The following CPNE2 variants were observed in gnomAD, a reference collection of about 807,000 sequenced individuals.
CPNE2 encodes the protein copine-2.
Under a neutral mutation model 69.7 loss-of-function variants are expected in CPNE2, and 42 were observed. The ratio of observed to expected loss-of-function variants is 0.60; its 90% CI spans 0.47 to 0.78. CPNE2 has a LOEUF of 0.78. CPNE2 is among the 30% of genes least tolerant of loss of function. The pLI is 0.00. For synonymous variants in CPNE2, 294 were observed against 289.8 expected (o/e 1.01, Z -0.15); for missense variants, 587 against 732.0 (o/e 0.80, Z 2.29).
chr16:57,142,923 C>T (rs977264796), intron 14 of CPNE2: 1 of 152,210 alleles, frequency 6.6e-6, no homozygotes, highest in South Asian at 2.1e-4. Flanking sequence ...CCTGAAGAAC[C>T]TCGGAGTAAA....
At chr16:57,140,397 CCT>C (rs568509459) in intron 14 of CPNE2, among the ~76,000 whole-genome samples, 89 of 151,906 alleles carry the variant, frequency 5.9e-4, no homozygotes, top group Non-Finnish European at 1.2e-3. Context: ...GTCTCAAACC[CCT>C]GTCCTCAGGT....
At chr16:57,121,630 A>G (rs1290097034) in intron 8 of CPNE2, 44 bp from the exon 9 acceptor site, 1 of 1,588,110 alleles carries the variant, frequency 6.3e-7, no homozygotes, top group Non-Finnish European at 8.6e-7. Flanking sequence ...ATCTGTTTCC[A>G]AAGAAGCCCC....
chr16:57,093,971 C>G (rs9926472), intron 1 of CPNE2: 85,438 of 449,460 alleles, frequency 0.19, 10,833 homozygotes, highest in African/African-American at 0.41. Flanking sequence ...CAGACCCTCC[C>G]CCCCTGTGGC....
At chr16:57,109,800 C>T (rs974087916) in intron 1 of CPNE2, among the ~76,000 whole-genome samples, 9 of 152,188 alleles carry the variant, frequency 5.9e-5, no homozygotes, top group Non-Finnish European at 1.3e-4. Context: ...GTATCTTGTG[C>T]TGACCTCCTA....
At chr16:57,106,722 C>T (rs1239793805) in intron 1 of CPNE2, among the ~76,000 whole-genome samples, 1 of 152,002 alleles carries the variant, frequency 6.6e-6, no homozygotes, top group South Asian at 2.1e-4. Context: ...GAATCCACCT[C>T]GCCAGCAATG....
rs544973977 is a variant in CPNE2 at position 57,146,371 on chromosome 16, C to T, written c.1539+50C>T. The T allele has an allele frequency of 4.2e-6, 6 of 1,423,430 alleles. No homozygotes were observed. In the African/African-American group the frequency reaches 4.2e-5, roughly 10 times the overall value. 88.2% of individuals were successfully genotyped at this position (1,423,430 alleles called of 1,614,324 possible). ...GGGGCGGTTACAGGATCCCAGCCACCATAGCTCATAATCAAGCTTGAGAGT... is the reference window on the plus strand; with the variant it reads ...GGGGCGGTTACAGGATCCCAGCCACTATAGCTCATAATCAAGCTTGAGAGT... On this transcript the variant is annotated intron_variant, in intron 15 of 15. Transcript: ENST00000290776. The surrounding 1 kb of genome is among the most constrained non-coding windows in gnomAD (Gnocchi z 4.4).
intron 7 of CPNE2, among the ~76,000 whole-genome samples, chr16:57,120,312 T>C (rs1356674668): frequency 2.7e-5 from 4 of 150,848 alleles, no homozygotes; most frequent in Admixed American, 6.6e-5. Flanking sequence ...CGGTGGCTCA[T>C]GCCTGTAATC....
chr16:57,136,353 A>G (rs1448080231), intron 13 of CPNE2, among the ~76,000 whole-genome samples: 1 of 152,198 alleles, frequency 6.6e-6, no homozygotes, highest in Non-Finnish European at 1.5e-5. Flanking sequence ...GCAGCTATTT[A>G]CAGAGCGCCT....
At chr16:57,139,602 G>T (rs2069906759) in intron 14 of CPNE2, among the ~76,000 whole-genome samples, 1 of 152,182 alleles carries the variant, frequency 6.6e-6, no homozygotes, top group South Asian at 2.1e-4. Flanking sequence ...CCTACACCCA[G>T]GAATGAACAA....
chr16:57,116,456 G>A lies in CPNE2; in HGVS notation c.435+906G>A, dbSNP rs531075783. Among the ~76,000 whole-genome samples, 5 of 152,226 alleles carry A rather than the reference G, an allele frequency of 3.3e-5. No homozygotes were observed. The South Asian group carries it at 1.0e-3, about 32-fold the overall frequency. Reference sequence around the variant, plus strand: ...TAGCACTACTCCTTGGAAGGCTAAGGCAGGAGGATCCCTTAAGGCCAGGAG... The same window carrying A: ...TAGCACTACTCCTTGGAAGGCTAAGACAGGAGGATCCCTTAAGGCCAGGAG... On this transcript the variant is annotated intron_variant, in intron 4 of 15. Transcript: ENST00000290776.
intron 2 of CPNE2, among the ~76,000 whole-genome samples, chr16:57,112,045 ATG>A (rs2069684729): frequency 6.6e-6 from 1 of 152,212 alleles, no homozygotes; most frequent in Non-Finnish European, 1.5e-5. Flanking sequence ...TTCCCAAAAT[ATG>A]TGTGTATTTT....
intron 1 of CPNE2, among the ~76,000 whole-genome samples, chr16:57,108,930 T>A (rs1304706086): frequency 6.6e-6 from 1 of 152,236 alleles, no homozygotes; most frequent in African/African-American, 2.4e-5. Flanking sequence ...ATGGAGGGTT[T>A]GTCCATTCAT....
intron 1 of CPNE2, among the ~76,000 whole-genome samples, chr16:57,096,856 C>A (rs945961139): frequency 4.6e-5 from 7 of 152,046 alleles, no homozygotes; most frequent in African/African-American, 1.7e-4. Flanking sequence ...TGATAAGACA[C>A]AAAAGCCTGC....
rs1488872598 is a variant in CPNE2 at position 57,096,702 on chromosome 16, A to AG, written c.-36+3912_-36+3913insG. 2.6e-5 allele frequency among the ~76,000 whole-genome samples: 4 copies of AG among 151,104 alleles called. No homozygotes were observed. The East Asian group carries it at 7.8e-4, about 30-fold the overall frequency. ...TGAAACAGTGAGACCATGTCTCAAA[A>AG]AAAAAAAAAAAAAAAGACTTGGGGT... On this transcript the variant is annotated intron_variant, in intron 1 of 15. Coordinates refer to ENST00000290776, the MANE Select transcript of CPNE2 (RefSeq NM_152727.6).
At chr16:57,119,879 G>A (rs1226005736) in intron 7 of CPNE2, among the ~76,000 whole-genome samples, 1 of 152,196 alleles carries the variant, frequency 6.6e-6, no homozygotes, top group African/African-American at 2.4e-5. Context: ...AAACTCTCTT[G>A]CCCTCCCCAG....
At chr16:57,112,744 T>C (rs11859576) in intron 2 of CPNE2, 86,377 of 152,368 alleles carry the variant, frequency 0.57, 26,320 homozygotes, top group African/African-American at 0.81. Context: ...AAGATACAAA[T>C]ATCTCCCCGC....
rs1327683318 is a variant in CPNE2, at chr16:57,092,976, C to T, written c.-36+186C>T. 1.3e-5 allele frequency among the ~76,000 whole-genome samples: 2 copies of T among 152,122 alleles called. No homozygotes were observed. Among genetic ancestry groups the T allele is most frequent in the Admixed American group, 1.3e-4 (2 of 15,280 alleles). On this transcript the variant is annotated intron_variant, in intron 1 of 15. Transcript: ENST00000290776. This position sits in a 1 kb window ranked among gnomAD's most constrained non-coding sequence, Gnocchi z 5.3. The stretch of plus-strand genomic sequence containing the variant: ...GCGCTTCGGTGACTCAGCTCCGACC[C>T]GGCCACGCGGGGGCGCCCCGCCGGC...
At chr16:57,107,896 T>C (rs549898186) in intron 1 of CPNE2, among the ~76,000 whole-genome samples, 11 of 140,286 alleles carry the variant, frequency 7.8e-5, no homozygotes, top group Middle Eastern at 3.8e-3. Flanking sequence ...TTTGAGACAG[T>C]GTCTTGCTCT....
intron 3 of CPNE2, among the ~76,000 whole-genome samples, chr16:57,114,718 CTT>C (rs1466058942): frequency 2.0e-5 from 3 of 152,110 alleles, no homozygotes; most frequent in Non-Finnish European, 4.4e-5. Flanking sequence ...GGGAGGGTGA[CTT>C]TGCAATGTGG....
Sources: allele counts gnomAD v4.1 joint callset (sites outside exome capture counted in the v4.1 genomes callset), GRCh38; gene constraint gnomAD v4.1.1; non-coding constraint Gnocchi (gnomAD v3.1); transcripts MANE v1.5; gene names NCBI Gene and HGNC (gene_info 2026-07-23, HGNC 2026-07-21).